GAB4: variants seen among roughly 807,000 people sequenced by gnomAD.
The protein encoded by GAB4 is GRB2-associated-binding protein 4.
GAB4 carries 26 observed loss-of-function variants against 51.3 expected under a neutral mutation model. The observed-to-expected ratio is 0.51, with a 90% CI of 0.37 to 0.70. GAB4 has a LOEUF of 0.70. Ranked by LOEUF, GAB4 falls within the 30% of genes least tolerant of loss-of-function variation. The pLI is 0.00. For synonymous variants in GAB4, 329 were observed against 291.2 expected, an observed-to-expected ratio of 1.13 and a Z score of -1.32; for missense variants, 759 against 734.6, an observed-to-expected ratio of 1.03 and a Z score of -0.38.
At chr22:16,966,447 G>C (rs1276987612) in intron 5 of GAB4, 83 bp from the exon 6 acceptor site, 14 of 1,387,456 alleles carry the variant, frequency 1.0e-5, no homozygotes, top group South Asian at 9.5e-5. Context: ...AGGCCAAAAA[G>C]AGTCATGACG....
Position 17,007,976 on chromosome 22 carries a change from T to A in GAB4, c.139A>T (p.Arg47Trp), listed in dbSNP as rs1285317887. The A allele has an allele frequency of 1.9e-6, 3 of 1,578,006 alleles. No individual in the cohort carries two copies. In the Admixed American group the frequency reaches 5.2e-5, roughly 27 times the overall value. ...SGHVLYSGWL[R>W]KSPPEKKLRL... ...AGCTTCTTCTCGGGGGGCGACTTCC[T>A]CAGCCAGCCGCTGTACAGCACGTGG... The change falls in exon 1 of 10, where the codon AGG becomes TGG. Residue 47 changes from arginine to tryptophan, a missense_variant. This residue lies in a region of GAB4 where 83 missense variants were observed against 73.1 expected (regional missense o/e 1.14). Transcript: ENST00000400588.
At chr22:17,007,881 C>A in intron 1 of GAB4, 60 bp downstream of exon 1, 1 of 1,463,614 alleles carries the variant, frequency 6.8e-7, no homozygotes, top group African/African-American at 1.4e-5. Context: ...CCCCACGCCC[C>A]TCCCGGAGTC....
At chr22:16,999,437 T>C (rs558551547) in intron 1 of GAB4, among the ~76,000 whole-genome samples, 1 of 152,382 alleles carries the variant, frequency 6.6e-6, no homozygotes, top group South Asian at 2.1e-4. Flanking sequence ...TAAAGGTGTT[T>C]ATAGTATTCT....
intron 1 of GAB4, among the ~76,000 whole-genome samples, chr22:17,006,557 G>A (rs1266850365): frequency 6.6e-6 from 1 of 152,154 alleles, no homozygotes; most frequent in African/African-American, 2.4e-5. Flanking sequence ...AAGTGCACCC[G>A]TATGTTTATT....
At chr22:16,980,968 G>T (rs2060822467) in intron 3 of GAB4, among the ~76,000 whole-genome samples, 1 of 152,060 alleles carries the variant, frequency 6.6e-6, no homozygotes, top group Non-Finnish European at 1.5e-5. Context: ...GAGACCACAT[G>T]GACACAGGGA....
At position 17,000,551 on chromosome 22, in the gene GAB4, C is replaced by T. The variant is rs550075560; in HGVS notation, c.174+7390G>A. On this transcript the variant is annotated intron_variant, in intron 1 of 9. Transcript: ENST00000400588. ...GTGTGTCTCTGCACGTGAGATGGGT[C>T]TCCTGAAAACAGCACACTGATGGGT... Among the ~76,000 whole-genome samples, 5 of 152,184 alleles carry T rather than the reference C, an allele frequency of 3.3e-5. No individual in the cohort carries two copies. The South Asian group carries it at 1.0e-3, about 32-fold the overall frequency.
At chr22:17,007,516 GA>G (rs2061050906) in intron 1 of GAB4, among the ~76,000 whole-genome samples, 1 of 151,198 alleles carries the variant, frequency 6.6e-6, no homozygotes. Flanking sequence ...GCTTGGGAGG[GA>G]AGGTGAGCAG....
At chr22:16,976,475 G>T (rs532817599) in intron 3 of GAB4, among the ~76,000 whole-genome samples, 64 of 152,222 alleles carry the variant, frequency 4.2e-4, no homozygotes, top group African/African-American at 1.4e-3. Flanking sequence ...AGAGAAAAAA[G>T]AATTAAAAGA....
At chr22:17,004,863 C>T (rs780366833) in intron 1 of GAB4, among the ~76,000 whole-genome samples, 80 of 151,736 alleles carry the variant, frequency 5.3e-4, no homozygotes, top group East Asian at 7.7e-4. Context: ...CAAAATAATA[C>T]GTTATTTATG....
chr22:16,969,809 G>T, intron 4 of GAB4, 134 bp downstream of exon 4: 1 of 1,117,352 alleles, frequency 8.9e-7, no homozygotes, highest in Non-Finnish European at 1.3e-6. Context: ...TGGCATAGAG[G>T]TTCTTGTCTA....
At chr22:16,982,794 G>C (rs2060837092) in intron 3 of GAB4, among the ~76,000 whole-genome samples, 1 of 152,206 alleles carries the variant, frequency 6.6e-6, no homozygotes, top group Admixed American at 6.5e-5. Flanking sequence ...GGCAGGGCTT[G>C]CATGTCTGAC....
chr22:16,995,822 C>A (rs969071411), intron 1 of GAB4, among the ~76,000 whole-genome samples: 1 of 152,116 alleles, frequency 6.6e-6, no homozygotes, highest in Non-Finnish European at 1.5e-5. Flanking sequence ...ACATCAAAGA[C>A]CAAAAACAGA....
At chr22:16,965,361 A>C (rs1601244597) in intron 6 of GAB4, 93 bp from the exon 7 acceptor site, 2 of 885,566 alleles carry the variant, frequency 2.3e-6, no homozygotes, top group South Asian at 1.4e-5. Context: ...AGAAAGGCCC[A>C]CCCCGTCCAC....
intron 3 of GAB4, among the ~76,000 whole-genome samples, chr22:16,980,436 G>T (rs557714008): frequency 2.0e-5 from 3 of 152,280 alleles, no homozygotes; most frequent in African/African-American, 4.8e-5. Flanking sequence ...TTACAGAAAT[G>T]CAAATCAAAA....
intron 3 of GAB4, among the ~76,000 whole-genome samples, chr22:16,981,171 A>G (rs191661925): frequency 2.5e-3 from 384 of 150,864 alleles, no homozygotes; most frequent in African/African-American, 8.5e-3. Context: ...ATAAATAAAT[A>G]AATATAAATA....
At chr22:17,000,389 T>C (rs2060987946) in intron 1 of GAB4, among the ~76,000 whole-genome samples, 1 of 152,214 alleles carries the variant, frequency 6.6e-6, no homozygotes, top group Non-Finnish European at 1.5e-5. Flanking sequence ...CCTTTACCAT[T>C]ATGTAATGGC....
chr22:16,964,730 C>G lies in GAB4; in HGVS notation c.1476+36G>C, dbSNP rs1234696419. ...ACATGAGTGTGGGTCCCAGGGGACT[C>G]TGATAGGAGCCTTACAGTGACCCCC... On this transcript the variant is annotated intron_variant, in intron 8 of 9. Transcript: ENST00000400588. The G allele has an allele frequency of 2.0e-6, 3 of 1,470,684 alleles. No individual in the cohort carries two copies. In the African/African-American group the frequency reaches 4.2e-5, roughly 21 times the overall value. The allele number at this position is 1,470,684 out of a possible 1,614,324, so 91.1% of individuals were successfully genotyped here.
chr22:16,989,595 T>A (rs1259918517), intron 2 of GAB4, among the ~76,000 whole-genome samples: 1 of 152,166 alleles, frequency 6.6e-6, no homozygotes, highest in South Asian at 2.1e-4. Context: ...GCTAACAGAA[T>A]CAATGGCCTT....
In GAB4 at chr22:16,968,327, A is replaced by C; in HGVS notation, c.994T>G (p.Ser332Ala). ...AAAGAACAGACTCCCTCATGCATGG[A>C]CTCAGCAGGCCGGCTGGCATTCCCT... is the stretch of plus-strand genomic sequence containing the variant. ...GGGNASRPAE[S>A]MHEGVCSFLP... The change falls in exon 5 of 10, where the codon TCC becomes GCC. Residue 332 changes from serine to alanine, a missense_variant. This residue lies in a region of GAB4 where 588 missense variants were observed against 510.2 expected (regional missense o/e 1.15). Coordinates refer to ENST00000400588, the MANE Select transcript of GAB4 (RefSeq NM_001037814.1). The C allele has an allele frequency of 6.2e-7, 1 of 1,613,944 alleles. No individual in the cohort carries two copies. Among genetic ancestry groups the C allele is most frequent in the Non-Finnish European group, 8.5e-7 (1 of 1,179,930 alleles).
Sources: gnomAD v4.1 joint callset for allele counts (sites outside exome capture counted in the v4.1 genomes callset) on GRCh38, gnomAD v4.1.1 for gene constraint, gnomAD v4.1.1 regional missense constraint, MANE v1.5 for transcripts, NCBI Gene and HGNC (gene_info 2026-07-23, HGNC 2026-07-21) for gene names.